The following BBX variants were observed in gnomAD, a reference collection of about 807,000 sequenced individuals.
The protein encoded by BBX is BBX high mobility group box domain containing.
BBX carries 30 observed loss-of-function variants against 100.2 expected under a neutral mutation model. The observed-to-expected ratio is 0.30, with a 90% confidence interval of 0.22 to 0.41. The LOEUF is 0.41. Among genes scored for constraint, BBX ranks in the 10% least tolerant of loss-of-function variants. BBX has a pLI of 1.00. For synonymous variants in BBX, 376 were observed against 388.1 expected (o/e 0.97, Z 0.37); for missense variants, 1,023 against 1,129.8 (o/e 0.91, Z 1.35).
chr3:107,532,216 C>T (rs369070946), intron 2 of BBX, among the ~76,000 whole-genome samples: 9 of 151,624 alleles, frequency 5.9e-5, no homozygotes, highest in East Asian at 5.8e-4. Flanking sequence ...AAAACAAAAA[C>T]ATGTGACCAA....
intron 2 of BBX, among the ~76,000 whole-genome samples, chr3:107,534,272 T>C (rs1255512937): frequency 1.6e-4 from 24 of 152,154 alleles, no homozygotes; most frequent in Admixed American, 1.6e-3. Flanking sequence ...TGCTGGCTTG[T>C]TTTTCAGCTT....
chr3:107,692,310 G>C (rs2060232746), intron 3 of BBX, among the ~76,000 whole-genome samples: 2 of 151,888 alleles, frequency 1.3e-5, no homozygotes, highest in Admixed American at 6.6e-5. Context: ...TCGTCATCTA[G>C]CATTACGTAT....
chr3:107,562,533 G>C lies in BBX; in HGVS notation c.-84+36135G>C, dbSNP rs114881139. Reference sequence around the variant, plus strand: ...TTCATTTAGTTTTGACAGGTTAACTGAATGGAATAGAATTTTAAACAAATT... The same window carrying C: ...TTCATTTAGTTTTGACAGGTTAACTCAATGGAATAGAATTTTAAACAAATT... On this transcript the variant is annotated intron_variant, in intron 2 of 17. Transcript: ENST00000325805. Among the ~76,000 whole-genome samples, 702 of 152,176 alleles carry C rather than the reference G, an allele frequency of 4.6e-3. 5 individuals carry two copies. The highest frequency in any genetic ancestry group is 0.016 in the African/African-American group (673 of 41,532).
At chr3:107,539,837 A>C (rs979157192) in intron 2 of BBX, among the ~76,000 whole-genome samples, 2 of 152,170 alleles carry the variant, frequency 1.3e-5, no homozygotes, top group Non-Finnish European at 2.9e-5. Context: ...TTTGGAGACC[A>C]CTGGTCATTA....
At chr3:107,654,108 G>A (rs147916297) in intron 3 of BBX, among the ~76,000 whole-genome samples, 202 of 152,258 alleles carry the variant, frequency 1.3e-3, no homozygotes, top group Non-Finnish European at 2.4e-3. Context: ...TTTGAAGTCA[G>A]CAGCTATTGT....
intron 10 of BBX, among the ~76,000 whole-genome samples, chr3:107,759,655 G>C (rs1486586486): frequency 6.6e-6 from 1 of 152,126 alleles, no homozygotes; most frequent in African/African-American, 2.4e-5. Flanking sequence ...TCTCACAGTA[G>C]TTATTGAGGA....
At chr3:107,628,737 A>AT (rs1378423902) in intron 2 of BBX, among the ~76,000 whole-genome samples, 8 of 152,162 alleles carry the variant, frequency 5.3e-5, no homozygotes, top group African/African-American at 1.9e-4. Flanking sequence ...AATACTTAAA[A>AT]TTAGTATTTC....
At position 107,696,604 on chromosome 3, in the gene BBX, G is replaced by A. The variant is rs536774106; in HGVS notation, c.-9-13848G>A. Among the ~76,000 whole-genome samples the A allele has an allele frequency of 1.9e-3, 283 of 151,906 alleles. 2 individuals are homozygous for A. The highest frequency in any genetic ancestry group is 3.4e-3 in the Middle Eastern group (1 of 294). Reference sequence around the variant, plus strand: ...ATAGGCTTCCCTTTGAGGGTAATCCGAACTTTCTCTCTGGCTGCCCTTAAC... The same window carrying A: ...ATAGGCTTCCCTTTGAGGGTAATCCAAACTTTCTCTCTGGCTGCCCTTAAC... On this transcript the variant is annotated intron_variant, in intron 3 of 17. Coordinates refer to ENST00000325805, the MANE Select transcript of BBX (RefSeq NM_001142568.3).
At chr3:107,719,000 C>A (rs972234889) in intron 5 of BBX, among the ~76,000 whole-genome samples, 2 of 151,972 alleles carry the variant, frequency 1.3e-5, no homozygotes, top group Non-Finnish European at 2.9e-5. Flanking sequence ...TTTGCAGTTA[C>A]GTTAAAGGGC....
At chr3:107,749,880 C>T (rs769487239) in intron 9 of BBX, among the ~76,000 whole-genome samples, 2 of 152,046 alleles carry the variant, frequency 1.3e-5, no homozygotes, top group Admixed American at 6.6e-5. Context: ...GTGATCCGCC[C>T]GCCTCGGCCT....
At position 107,807,943 on chromosome 3, in the gene BBX, G is replaced by A. The variant is rs2108087021; in HGVS notation, c.*2486G>A. ...AGCAGAAATCCTGCAAAGCTTTATA[G>A]TTCCTTAGACTCACCTTGTCGATTC... On this transcript the variant is annotated 3_prime_UTR_variant, in exon 18 of 18. Transcript: ENST00000325805. 6.6e-6 allele frequency: 1 copy of A among 152,202 alleles called. No individual in the cohort carries two copies. Among genetic ancestry groups the A allele is most frequent in the East Asian group, 1.9e-4 (1 of 5,176 alleles). 9.4% of individuals were successfully genotyped at this position (152,202 alleles called of 1,614,324 possible).
At chr3:107,693,796 C>T (rs1416936147) in intron 3 of BBX, among the ~76,000 whole-genome samples, 1 of 150,990 alleles carries the variant, frequency 6.6e-6, no homozygotes, top group Non-Finnish European at 1.5e-5. Flanking sequence ...GGTGGTATGG[C>T]CATTTTCACG....
chr3:107,767,045 T>C (rs943677179), intron 10 of BBX, among the ~76,000 whole-genome samples: 23 of 152,262 alleles, frequency 1.5e-4, no homozygotes, highest in African/African-American at 5.5e-4. Context: ...CACACTGGGA[T>C]CTGTCGCAGG....
chr3:107,780,045 T>C (rs1040494216), intron 13 of BBX, among the ~76,000 whole-genome samples: 12 of 152,104 alleles, frequency 7.9e-5, no homozygotes, highest in African/African-American at 2.9e-4. Context: ...TATCAAGATC[T>C]TCCAAGATAG....
chr3:107,765,222 G>C (rs1372255494), intron 10 of BBX, among the ~76,000 whole-genome samples: 2 of 152,114 alleles, frequency 1.3e-5, no homozygotes, highest in African/African-American at 4.8e-5. Flanking sequence ...CATTATTTTA[G>C]CTCTGTACTA....
chr3:107,672,620 A>G (rs966259884), intron 3 of BBX, among the ~76,000 whole-genome samples: 14 of 152,054 alleles, frequency 9.2e-5, no homozygotes, highest in African/African-American at 3.4e-4. Flanking sequence ...GTATCAAACT[A>G]GGGTATATTT....
chr3:107,653,786 A>C (rs1020709594), intron 3 of BBX, among the ~76,000 whole-genome samples: 1 of 152,186 alleles, frequency 6.6e-6, no homozygotes, highest in African/African-American at 2.4e-5. Flanking sequence ...AGAGCCAGCC[A>C]GATGTGGAGG....
intron 6 of BBX, among the ~76,000 whole-genome samples, chr3:107,730,290 G>A (rs2107514608): frequency 6.6e-6 from 1 of 152,238 alleles, no homozygotes; most frequent in African/African-American, 2.4e-5. Flanking sequence ...TTTGTTATTA[G>A]ATAGTCTTGG....
At chr3:107,684,898 G>T (rs1576326991) in intron 3 of BBX, among the ~76,000 whole-genome samples, 1 of 152,132 alleles carries the variant, frequency 6.6e-6, no homozygotes, top group African/African-American at 2.4e-5. Context: ...CAAAGTGGGT[G>T]CGGGGAAGCA....
Sources: gnomAD v4.1 joint callset for allele counts (sites outside exome capture counted in the v4.1 genomes callset) on GRCh38, gnomAD v4.1.1 for gene constraint, MANE v1.5 for transcripts, NCBI Gene and HGNC (gene_info 2026-07-23, HGNC 2026-07-21) for gene names.